The following SIPA1L1 variants were observed in gnomAD, a reference collection of about 807,000 sequenced individuals.
The protein encoded by SIPA1L1 is signal induced proliferation associated 1 like 1.
SIPA1L1 carries 26 observed loss-of-function variants against 162.7 expected under a neutral mutation model. The observed-to-expected ratio is 0.16, with a 90% CI of 0.12 to 0.22. SIPA1L1 has a LOEUF of 0.22. SIPA1L1 is among the 10% of genes least tolerant of loss of function. The probability of loss-of-function intolerance (pLI) is 1.00; values close to 1 mark genes in which losing one functional copy is unlikely to be tolerated. For synonymous variants in SIPA1L1, 829 were observed against 837.4 expected (o/e 0.99, Z 0.17); for missense variants, 1,874 against 2,241.0 (o/e 0.84, Z 3.31).
chr14:71,479,913 A>G (rs989727973), intron 2 of SIPA1L1, among the ~76,000 whole-genome samples: 2 of 151,282 alleles, frequency 1.3e-5, no homozygotes, highest in Non-Finnish European at 2.9e-5. Context: ...TTTAATTTCT[A>G]TTTTTAGTGG....
intron 12 of SIPA1L1, among the ~76,000 whole-genome samples, chr14:71,675,296 G>A (rs925728398): frequency 6.6e-6 from 1 of 152,212 alleles, no homozygotes; most frequent in African/African-American, 2.4e-5. Context: ...GCTGGGGGAA[G>A]GATTAGTGCA....
At chr14:71,575,318 CCA>C (rs1341455460) in intron 4 of SIPA1L1, among the ~76,000 whole-genome samples, 1 of 152,082 alleles carries the variant, frequency 6.6e-6, no homozygotes. Flanking sequence ...TGCCCCCAGC[CCA>C]CACACAGTGC....
intron 4 of SIPA1L1, among the ~76,000 whole-genome samples, chr14:71,540,346 G>T (rs1239440444): frequency 1.3e-5 from 2 of 152,150 alleles, no homozygotes; most frequent in Non-Finnish European, 1.5e-5. Flanking sequence ...AAGGCTGATA[G>T]AACTGATTCA....
intron 21 of SIPA1L1, 70 bp downstream of exon 21, chr14:71,733,882 A>G: frequency 6.8e-7 from 1 of 1,476,888 alleles, no homozygotes; most frequent in Non-Finnish European, 9.2e-7. Flanking sequence ...CATCCACTCT[A>G]CTTCTCTGGA....
chr14:71,582,319 A>G (rs2034043043), intron 4 of SIPA1L1, among the ~76,000 whole-genome samples: 1 of 152,126 alleles, frequency 6.6e-6, no homozygotes, highest in Non-Finnish European at 1.5e-5. Flanking sequence ...TGGGTGACAG[A>G]GCAAGACCCT....
At chr14:71,574,147 A>G (rs2032590599) in intron 4 of SIPA1L1, 1 of 190,476 alleles carries the variant, frequency 5.3e-6, no homozygotes, top group South Asian at 8.6e-5. Context: ...GGGATGCTGT[A>G]AAAAGAATAA....
intron 7 of SIPA1L1, among the ~76,000 whole-genome samples, chr14:71,625,009 G>A (rs993302554): frequency 2.0e-5 from 3 of 152,040 alleles, no homozygotes; most frequent in African/African-American, 7.3e-5. Flanking sequence ...TTGCATCCTA[G>A]TAGTGGGTGG....
chr14:71,342,246 C>G (rs1483208377), intron 2 of SIPA1L1, among the ~76,000 whole-genome samples: 1 of 152,076 alleles, frequency 6.6e-6, no homozygotes, highest in East Asian at 1.9e-4. Context: ...TCAAATGATC[C>G]ACCTGCATTT....
chr14:71,708,613 C>T (rs1271291648), intron 16 of SIPA1L1, among the ~76,000 whole-genome samples: 1 of 152,208 alleles, frequency 6.6e-6, no homozygotes, highest in African/African-American at 2.4e-5. Context: ...GTGTGAGCCA[C>T]TGCCCCAGTT....
Position 71,404,042 on chromosome 14 carries a change from G to A in SIPA1L1, c.-465+82861G>A, listed in dbSNP as rs552406422. On this transcript the variant is annotated intron_variant, in intron 2 of 23. Coordinates refer to ENST00000381232, the MANE Select transcript of SIPA1L1 (RefSeq NM_001386936.1). ...ACTGTTTTGGTTTCAGTTAAAGTCA[G>A]TAAATTAATACTTAAAATTTATAGT... 6.7e-5 allele frequency among the ~76,000 whole-genome samples: 8 copies of A among 119,452 alleles called. No individual in the cohort carries two copies. In the South Asian group the frequency reaches 1.9e-3, roughly 28 times the overall value. The allele number at this position is 119,452 out of a possible 152,430, so 78.4% of individuals were successfully genotyped here.
At chr14:71,436,094 T>C (rs2044356447) in intron 2 of SIPA1L1, among the ~76,000 whole-genome samples, 1 of 146,322 alleles carries the variant, frequency 6.8e-6, no homozygotes, top group East Asian at 1.9e-4. Context: ...ATAAGTGAGG[T>C]TGAACATACT....
At chr14:71,399,317 G>A (rs899528972) in intron 2 of SIPA1L1, among the ~76,000 whole-genome samples, 1 of 152,172 alleles carries the variant, frequency 6.6e-6, no homozygotes, top group Admixed American at 6.5e-5. Context: ...CAGTTTCCAC[G>A]TAGTGTCTTT....
At chr14:71,516,953 A>T (rs1032106328) in intron 3 of SIPA1L1, among the ~76,000 whole-genome samples, 1 of 152,202 alleles carries the variant, frequency 6.6e-6, no homozygotes, top group Non-Finnish European at 1.5e-5. Flanking sequence ...AGCTGGGGCA[A>T]CAGAACGAGA....
intron 3 of SIPA1L1, 51 bp from the exon 4 acceptor site, chr14:71,529,261 A>T (rs1475421252): frequency 8.7e-6 from 5 of 572,478 alleles, no homozygotes; most frequent in Non-Finnish European, 1.6e-5. Context: ...ATTGTATTTT[A>T]GTGAAATTTA....
intron 2 of SIPA1L1, among the ~76,000 whole-genome samples, chr14:71,508,523 T>C (rs1480294390): frequency 6.6e-6 from 1 of 152,192 alleles, no homozygotes; most frequent in Non-Finnish European, 1.5e-5. Flanking sequence ...GAAGTGATTT[T>C]GGAAAGAGAG....
intron 2 of SIPA1L1, among the ~76,000 whole-genome samples, chr14:71,423,950 CTATT>C (rs1368566571): frequency 1.3e-4 from 20 of 152,026 alleles, no homozygotes; most frequent in African/African-American, 4.8e-4. Flanking sequence ...GAAAGTGCTT[CTATT>C]TATTTCTTTT....
chr14:71,551,075 C>T (rs1209622873), intron 4 of SIPA1L1, among the ~76,000 whole-genome samples: 2 of 151,950 alleles, frequency 1.3e-5, no homozygotes, highest in East Asian at 3.9e-4. Context: ...ACATTCATGC[C>T]TTGTGTAGCT....
At chr14:71,537,263 C>T (rs575660802) in intron 4 of SIPA1L1, among the ~76,000 whole-genome samples, 26 of 152,224 alleles carry the variant, frequency 1.7e-4, no homozygotes, top group South Asian at 4.1e-4. Context: ...TGCAGTGGCG[C>T]GATCTTGGCT....
intron 2 of SIPA1L1, chr14:71,467,151 G>T (rs926098902): frequency 1.3e-5 from 2 of 152,068 alleles, no homozygotes; most frequent in South Asian, 2.1e-4. Context: ...AATTACTGTC[G>T]CTGGGGAGTT....
Sources: allele counts gnomAD v4.1 joint callset (sites outside exome capture counted in the v4.1 genomes callset), GRCh38; gene constraint gnomAD v4.1.1; transcripts MANE v1.5; gene names NCBI Gene and HGNC (gene_info 2026-07-23, HGNC 2026-07-21).